Variants in FAM53B observed in about 807,000 individuals in gnomAD.
The protein encoded by FAM53B is protein FAM53B.
Under a neutral mutation model 32.7 loss-of-function variants are expected in FAM53B, and 12 were observed. That is an observed-to-expected ratio of 0.37 (90% CI 0.24 to 0.59). The LOEUF is 0.59. Ranked by LOEUF, FAM53B falls within the 20% of genes least tolerant of loss-of-function variation. The probability of loss-of-function intolerance (pLI) is 0.72; values close to 1 mark genes in which losing one functional copy is unlikely to be tolerated. For missense variants in FAM53B, 477 were observed against 577.7 expected (o/e 0.83, Z 1.79); for synonymous variants, 234 against 228.7 (o/e 1.02, Z -0.21).
chr10:124,668,418 C>G (rs998682881), intron 4 of FAM53B, among the ~76,000 whole-genome samples: 11 of 152,252 alleles, frequency 7.2e-5, no homozygotes, highest in Admixed American at 4.6e-4. Flanking sequence ...CAAGACTGTT[C>G]TAGATTACAG....
chr10:124,714,775 A>AAAAAG (rs1564886200), intron 1 of FAM53B, among the ~76,000 whole-genome samples: 1 of 151,924 alleles, frequency 6.6e-6, no homozygotes, highest in Non-Finnish European at 1.5e-5. Flanking sequence ...AAAAAAAAAA[A>AAAAAG]AAAAGAAAAC....
intron 1 of FAM53B, among the ~76,000 whole-genome samples, chr10:124,724,423 G>T (rs1240465131): frequency 6.6e-6 from 1 of 152,154 alleles, no homozygotes; most frequent in Non-Finnish European, 1.5e-5. Flanking sequence ...GGAGCTCTGC[G>T]CACCGGACAG....
chr10:124,646,543 G>A (rs1041426851), intron 4 of FAM53B, among the ~76,000 whole-genome samples: 3 of 152,194 alleles, frequency 2.0e-5, no homozygotes, highest in African/African-American at 7.2e-5. Context: ...TTTGCTCCCA[G>A]CCCGGAGCCT....
intron 4 of FAM53B, among the ~76,000 whole-genome samples, chr10:124,638,196 C>T (rs867423166): frequency 3.4e-4 from 52 of 152,078 alleles, no homozygotes; most frequent in African/African-American, 1.1e-3. Context: ...AGTGAAACCC[C>T]GTCTCTACAA....
intron 2 of FAM53B, among the ~76,000 whole-genome samples, chr10:124,700,479 A>G (rs1483758486): frequency 2.0e-5 from 3 of 152,174 alleles, no homozygotes; most frequent in African/African-American, 4.8e-5. Flanking sequence ...ATAAGACCAG[A>G]GCACATTTCC....
intron 1 of FAM53B, among the ~76,000 whole-genome samples, chr10:124,729,752 C>T (rs537266122): frequency 6.6e-6 from 1 of 152,176 alleles, no homozygotes; most frequent in African/African-American, 2.4e-5. Context: ...TGGACTACAA[C>T]CAGCCACACA....
intron 4 of FAM53B, chr10:124,624,143 C>T (rs1001749892): frequency 6.5e-6 from 1 of 153,324 alleles, no homozygotes; most frequent in Admixed American, 6.5e-5. Flanking sequence ...TGACGCGCCG[C>T]GATACTTCCC....
At chr10:124,712,120 TGAC>T (rs1430705046) in intron 1 of FAM53B, among the ~76,000 whole-genome samples, 1 of 152,248 alleles carries the variant, frequency 6.6e-6, no homozygotes, top group East Asian at 1.9e-4. Context: ...TACGGGAGAC[TGAC>T]GTCAGTGGAT....
In FAM53B at chr10:124,621,468, TC is replaced by T. The variant is rs1162442847; in HGVS notation, c.*1773del. The T allele has an allele frequency of 5.9e-5, 9 of 152,204 alleles. No homozygotes were observed. Among genetic ancestry groups the T allele is most frequent in the Non-Finnish European group, 1.2e-4 (8 of 68,042 alleles). 9.4% of individuals were successfully genotyped at this position (152,204 alleles called of 1,614,324 possible). The stretch of plus-strand genomic sequence containing the variant: ...CTACAGCAACCAGAGGTGAGCTGGT[TC>T]CCCGGCTCTGGGACCTGCCCAGTGC... On this transcript the variant is annotated 3_prime_UTR_variant, in exon 5 of 5. Transcript: ENST00000337318.
intron 4 of FAM53B, among the ~76,000 whole-genome samples, chr10:124,626,324 AACTT>A (rs1451966312): frequency 6.6e-6 from 1 of 151,042 alleles, no homozygotes; most frequent in Non-Finnish European, 1.5e-5. Context: ...GGGGGTGCCT[AACTT>A]ATGGCCACCA....
intron 3 of FAM53B, among the ~76,000 whole-genome samples, chr10:124,689,141 C>T (rs1949818694): frequency 6.6e-6 from 1 of 152,180 alleles, no homozygotes; most frequent in Admixed American, 6.5e-5. Context: ...AACTTGGCCT[C>T]AGGGCCACAA....
At chr10:124,654,328 G>A (rs937379263) in intron 4 of FAM53B, among the ~76,000 whole-genome samples, 15 of 152,224 alleles carry the variant, frequency 9.9e-5, no homozygotes, top group Admixed American at 2.6e-4. Flanking sequence ...GGGTCTGAGC[G>A]GACTTCCTCT....
chr10:124,698,191 C>A (rs1949887637), intron 2 of FAM53B, among the ~76,000 whole-genome samples: 1 of 152,174 alleles, frequency 6.6e-6, no homozygotes, highest in South Asian at 2.1e-4. Flanking sequence ...GGAACCCCGG[C>A]CCCCAGCCCG....
chr10:124,643,475 GTCTGAA>G (rs1382349146), intron 4 of FAM53B, among the ~76,000 whole-genome samples: 1 of 152,244 alleles, frequency 6.6e-6, no homozygotes, highest in East Asian at 1.9e-4. Flanking sequence ...ACTTAAATCA[GTCTGAA>G]GCTGTGAAAG....
At chr10:124,660,600 G>A (rs1033327550) in intron 4 of FAM53B, among the ~76,000 whole-genome samples, 7 of 152,224 alleles carry the variant, frequency 4.6e-5, no homozygotes, top group African/African-American at 1.7e-4. Flanking sequence ...CAGAGCCTGA[G>A]ACAGCCGAGC....
intron 1 of FAM53B, among the ~76,000 whole-genome samples, chr10:124,709,367 T>C (rs1448407496): frequency 6.6e-6 from 1 of 152,062 alleles, no homozygotes; most frequent in East Asian, 1.9e-4. Context: ...TCTCTCTAGC[T>C]CCATCCCCAG....
At chr10:124,665,005 G>A (rs1249998239) in intron 4 of FAM53B, among the ~76,000 whole-genome samples, 1 of 152,178 alleles carries the variant, frequency 6.6e-6, no homozygotes, top group Admixed American at 6.5e-5. Flanking sequence ...TCCCCTCCTG[G>A]TAAGGTAGAG....
At chr10:124,696,861 T>G (rs1285781775) in intron 2 of FAM53B, among the ~76,000 whole-genome samples, 1 of 152,160 alleles carries the variant, frequency 6.6e-6, no homozygotes, top group East Asian at 1.9e-4. Flanking sequence ...TGGCCCTGTA[T>G]TTCCACAATG....
chr10:124,712,885 C>G (rs1365788855), intron 1 of FAM53B, among the ~76,000 whole-genome samples: 1 of 152,248 alleles, frequency 6.6e-6, no homozygotes, highest in Non-Finnish European at 1.5e-5. Flanking sequence ...TTTATGCTCC[C>G]TGGGTGCAGA....
Sources: allele counts gnomAD v4.1 joint callset (sites outside exome capture counted in the v4.1 genomes callset), GRCh38; gene constraint gnomAD v4.1.1; transcripts MANE v1.5; gene names NCBI Gene and HGNC (gene_info 2026-07-23, HGNC 2026-07-21).